Variants in KIAA0513 observed in about 807,000 individuals in gnomAD.
KIAA0513 encodes uncharacterized protein KIAA0513.
A neutral mutation model predicts 56.5 loss-of-function variants in KIAA0513; 39 were observed. The ratio of observed to expected loss-of-function variants is 0.69; its 90% CI spans 0.53 to 0.90. The LOEUF is 0.90. KIAA0513 is among the 40% of genes least tolerant of loss of function. The probability of loss-of-function intolerance (pLI) is 0.00; values close to 1 mark genes in which losing one functional copy is unlikely to be tolerated. For missense variants in KIAA0513, 591 were observed against 535.2 expected, an observed-to-expected ratio of 1.10 and a Z score of -1.03; for synonymous variants, 268 against 215.6, an observed-to-expected ratio of 1.24 and a Z score of -2.13.
rs971718901 is a variant in KIAA0513, at chr16:85,088,184, C to A, written c.1187-92C>A. On this transcript the variant is annotated intron_variant, in intron 12 of 12. Coordinates refer to ENST00000683363, the MANE Select transcript of KIAA0513 (RefSeq NM_001388359.1). ...AGCTGCAGCCCTGCTCCCAGGGAGGCCCGATTCGTCCCTGTCCGAGTGACA... is the reference window on the plus strand; with the variant it reads ...AGCTGCAGCCCTGCTCCCAGGGAGGACCGATTCGTCCCTGTCCGAGTGACA... 6.8e-6 allele frequency: 8 copies of A among 1,178,854 alleles called. No individual in the cohort carries two copies. The African/African-American group carries it at 1.2e-4, about 18-fold the overall frequency. The allele number at this position is 1,178,854 out of a possible 1,614,324, so 73.0% of individuals were successfully genotyped here.
At chr16:85,057,757 C>CTTTTT (rs1460366309) in intron 1 of KIAA0513, among the ~76,000 whole-genome samples, 4 of 147,778 alleles carry the variant, frequency 2.7e-5, no homozygotes, top group African/African-American at 1.1e-4. Context: ...GCTGCCTCTG[C>CTTTTT]TTTTTGTTTT....
Position 85,067,331 on chromosome 16 carries a change from C to T in KIAA0513, c.260C>T (p.Thr87Ile). The change falls in exon 2 of 13, where the codon ACC becomes ATC. Residue 87 changes from threonine to isoleucine, a missense_variant. Transcript: ENST00000683363. ...TCCTCCAACCAGAGCACCGAGTCTA[C>T]CCAGGATGAAGAGACCCTGGCACTC... is the stretch of plus-strand genomic sequence containing the variant. ...SFSSNQSTES[T>I]QDEETLALRD... 6.2e-7 allele frequency: 1 copy of T among 1,611,916 alleles called. No homozygotes were observed. Among genetic ancestry groups the T allele is most frequent in the Non-Finnish European group, 8.5e-7 (1 of 1,180,020 alleles).
intron 4 of KIAA0513, among the ~76,000 whole-genome samples, 188 bp from the exon 5 acceptor site, chr16:85,075,656 A>T (rs1172597004): frequency 2.0e-5 from 3 of 152,220 alleles, no homozygotes; most frequent in African/African-American, 7.2e-5. Context: ...TCCCGTTCAG[A>T]ATCAGTCCCA....
intron 1 of KIAA0513, among the ~76,000 whole-genome samples, chr16:85,045,441 C>G (rs141231040): frequency 2.6e-5 from 4 of 152,136 alleles, no homozygotes; most frequent in Admixed American, 6.5e-5. Flanking sequence ...CTGCAACCTC[C>G]GCCTCCCAGG....
At chr16:85,049,946 G>A (rs928474469) in intron 1 of KIAA0513, among the ~76,000 whole-genome samples, 2 of 152,180 alleles carry the variant, frequency 1.3e-5, no homozygotes, top group African/African-American at 4.8e-5. Flanking sequence ...ACTTAAGAGT[G>A]GAAGGCCAAG....
At chr16:85,042,550 T>G (rs763864745) in intron 1 of KIAA0513, among the ~76,000 whole-genome samples, 2 of 152,206 alleles carry the variant, frequency 1.3e-5, no homozygotes, top group Non-Finnish European at 2.9e-5. Context: ...TTAACCCTTT[T>G]AAGCCTTAAA....
rs1040489420 is a variant in KIAA0513 at position 85,076,004 on chromosome 16, C to T, written c.574+90C>T. ...AGGAAGCTTTCTTCATGATAAAAAG[C>T]AAAAGCTATGGGGCCTCCAGAGAAC... On this transcript the variant is annotated intron_variant, in intron 5 of 12. Coordinates refer to ENST00000683363, the MANE Select transcript of KIAA0513 (RefSeq NM_001388359.1). The surrounding 1 kb of genome is among the most constrained non-coding windows in gnomAD (Gnocchi z 4.7). 13 of 1,020,324 alleles carry T rather than the reference C, an allele frequency of 1.3e-5. No individual in the cohort carries two copies. The highest frequency in any genetic ancestry group is 9.1e-5 in the South Asian group (7 of 77,140). 63.2% of individuals were successfully genotyped at this position (1,020,324 alleles called of 1,614,324 possible).
At chr16:85,028,698 G>GA (rs895176185) in intron 1 of KIAA0513, among the ~76,000 whole-genome samples, 2 of 151,760 alleles carry the variant, frequency 1.3e-5, no homozygotes, top group East Asian at 3.9e-4. Flanking sequence ...AGGGGAAGAG[G>GA]AAAAAAAGAC....
At chr16:85,056,430 C>T (rs1391956080) in intron 1 of KIAA0513, among the ~76,000 whole-genome samples, 4 of 152,222 alleles carry the variant, frequency 2.6e-5, no homozygotes, top group African/African-American at 9.6e-5. Context: ...TTCCACAGAA[C>T]AGCAGCCAGA....
At chr16:85,073,307 A>G (rs2073606766) in intron 4 of KIAA0513, among the ~76,000 whole-genome samples, 1 of 152,154 alleles carries the variant, frequency 6.6e-6, no homozygotes, top group Non-Finnish European at 1.5e-5. Flanking sequence ...CCTCCCCGGG[A>G]GATCTGGTAC....
chr16:85,061,109 C>T (rs565733080), intron 1 of KIAA0513, among the ~76,000 whole-genome samples: 1 of 151,304 alleles, frequency 6.6e-6, no homozygotes, highest in South Asian at 2.1e-4. Context: ...GCCGAGATCA[C>T]GCCACTGCAC....
Position 85,072,924 on chromosome 16 carries a change from G to A in KIAA0513, c.430-1G>A. 6.2e-7 allele frequency: 1 copy of A among 1,614,150 alleles called. No homozygotes were observed. The highest frequency in any genetic ancestry group is 8.5e-7 in the Non-Finnish European group (1 of 1,179,972). Reference sequence around the variant, plus strand: ...TGATGTGTCTGCCTCTTTCTGGACAGCGCTGCAACTCCAAGTGTGTCTCAG... The same window carrying A: ...TGATGTGTCTGCCTCTTTCTGGACAACGCTGCAACTCCAAGTGTGTCTCAG... On this transcript the variant is annotated splice_acceptor_variant, in intron 3 of 12. Coordinates refer to ENST00000683363, the MANE Select transcript of KIAA0513 (RefSeq NM_001388359.1). LOFTEE classifies it high-confidence loss of function.
intron 1 of KIAA0513, among the ~76,000 whole-genome samples, chr16:85,056,106 C>CATG (rs2073325291): frequency 6.6e-6 from 1 of 152,222 alleles, no homozygotes; most frequent in African/African-American, 2.4e-5. Flanking sequence ...TTCTCCTGTC[C>CATG]ATGTGAGAAG....
intron 4 of KIAA0513, among the ~76,000 whole-genome samples, chr16:85,074,637 C>T (rs1226731132): frequency 6.6e-6 from 1 of 152,334 alleles, no homozygotes; most frequent in Non-Finnish European, 1.5e-5. Context: ...TCCATTTCCC[C>T]TCTGAGGTCT....
intron 1 of KIAA0513, among the ~76,000 whole-genome samples, chr16:85,036,767 T>C (rs1288484307): frequency 6.6e-6 from 1 of 152,212 alleles, no homozygotes; most frequent in Non-Finnish European, 1.5e-5. Context: ...CAGCACCCCC[T>C]GCCCGGGGAC....
At chr16:85,043,575 C>T (rs1221801100) in intron 1 of KIAA0513, among the ~76,000 whole-genome samples, 2 of 151,954 alleles carry the variant, frequency 1.3e-5, no homozygotes, top group Admixed American at 6.6e-5. Context: ...CCACACCCGA[C>T]TAATCTTTCA....
At chr16:85,071,920 T>G (rs1379281778) in intron 3 of KIAA0513, 38 bp downstream of exon 3, 2 of 1,332,718 alleles carry the variant, frequency 1.5e-6, no homozygotes, top group African/African-American at 2.9e-5. Context: ...GCGTTTACTC[T>G]CAAGGAAGAA....
intron 1 of KIAA0513, among the ~76,000 whole-genome samples, chr16:85,033,635 TAGAGCA>T (rs1455500283): frequency 6.6e-6 from 1 of 150,790 alleles, no homozygotes. Context: ...AGGGAGTTCA[TAGAGCA>T]ACTTTTCTCC....
intron 11 of KIAA0513, 131 bp downstream of exon 11, chr16:85,086,855 T>A: frequency 2.2e-6 from 2 of 914,390 alleles, no homozygotes; most frequent in South Asian, 1.6e-5. Flanking sequence ...ACACTTGGCC[T>A]CCATGCCAGC....
Sources: gnomAD v4.1 joint callset for allele counts (sites outside exome capture counted in the v4.1 genomes callset) on GRCh38, gnomAD v4.1.1 for gene constraint, Gnocchi (gnomAD v3.1) non-coding constraint, MANE v1.5 for transcripts, NCBI Gene and HGNC (gene_info 2026-07-23, HGNC 2026-07-21) for gene names.